The following ATRNL1 variants were observed in gnomAD, a reference collection of about 807,000 sequenced individuals.
The protein encoded by ATRNL1 is attractin like 1, also known as attractin-like protein 1.
ATRNL1 carries 95 observed loss-of-function variants against 182.7 expected under a neutral mutation model. The ratio of observed to expected loss-of-function variants is 0.52; its 90% CI spans 0.44 to 0.62. The LOEUF (loss-of-function observed/expected upper bound fraction) is 0.62. Ranked by LOEUF, ATRNL1 falls within the 20% of genes least tolerant of loss-of-function variation. ATRNL1 has a pLI of 0.00. For synonymous variants in ATRNL1, 576 were observed against 568.3 expected (o/e 1.01, Z -0.19); for missense variants, 1,471 against 1,679.5 (o/e 0.88, Z 2.17).
intron 26 of ATRNL1, among the ~76,000 whole-genome samples, chr10:115,616,730 G>T (rs1300383288): frequency 6.6e-6 from 1 of 152,240 alleles, no homozygotes; most frequent in Non-Finnish European, 1.5e-5. Flanking sequence ...TACAGAGGGT[G>T]CAAGCCATAA....
intron 26 of ATRNL1, among the ~76,000 whole-genome samples, chr10:115,635,730 A>G (rs548321795): frequency 4.6e-5 from 7 of 152,296 alleles, no homozygotes; most frequent in African/African-American, 1.7e-4. Flanking sequence ...GGTATTACTC[A>G]AAATGCCCGT....
At chr10:115,698,664 G>C (rs1456758742) in intron 26 of ATRNL1, among the ~76,000 whole-genome samples, 1 of 152,072 alleles carries the variant, frequency 6.6e-6, no homozygotes, top group African/African-American at 2.4e-5. Context: ...TGTAGTCCCA[G>C]CTACTCGGGA....
chr10:115,466,285 C>T lies in ATRNL1; in HGVS notation c.3418-889C>T, dbSNP rs565177324. Among the ~76,000 whole-genome samples the T allele has an allele frequency of 6.6e-5, 10 of 151,470 alleles. No individual in the cohort carries two copies. In the East Asian group the frequency reaches 1.7e-3, roughly 26 times the overall value. ...TAAAACGAAGGAATTAATATATTCT[C>T]TATCTCTCTTACTCCGTTTCACTAG... On this transcript the variant is annotated intron_variant, in intron 22 of 28. Transcript: ENST00000355044.
At chr10:115,133,635 T>A (rs1356411497) in intron 5 of ATRNL1, among the ~76,000 whole-genome samples, 2 of 151,940 alleles carry the variant, frequency 1.3e-5, no homozygotes, top group African/African-American at 4.8e-5. Context: ...ATTAGACAGA[T>A]CAATAGACAG....
chr10:115,330,519 C>T (rs868925718), intron 18 of ATRNL1, among the ~76,000 whole-genome samples: 1 of 151,912 alleles, frequency 6.6e-6, no homozygotes, highest in Non-Finnish European at 1.5e-5. Flanking sequence ...TGTCTTTAGT[C>T]TTTATTTCTA....
At chr10:115,682,430 G>A (rs1393230867) in intron 26 of ATRNL1, among the ~76,000 whole-genome samples, 2 of 151,996 alleles carry the variant, frequency 1.3e-5, no homozygotes, top group Non-Finnish European at 2.9e-5. Context: ...CCAGCGACTT[G>A]GGGGGCTGGT....
chr10:115,708,288 C>T (rs1188455234), intron 26 of ATRNL1, among the ~76,000 whole-genome samples: 1 of 151,468 alleles, frequency 6.6e-6, no homozygotes, highest in African/African-American at 2.4e-5. Context: ...ATAAAAGTAA[C>T]ACTATTAACT....
At chr10:115,642,030 C>T (rs1176287961) in intron 26 of ATRNL1, among the ~76,000 whole-genome samples, 1 of 151,930 alleles carries the variant, frequency 6.6e-6, no homozygotes, top group African/African-American at 2.4e-5. Context: ...ACACGCAGAG[C>T]AATAGAGTTA....
rs550104477 is a variant in ATRNL1, at chr10:115,947,115, A to G, written c.*2336A>G. The G allele has an allele frequency of 2.3e-4, 35 of 152,766 alleles. No homozygotes were observed. In the East Asian group the frequency reaches 6.2e-3, roughly 27 times the overall value. The allele number at this position is 152,766 out of a possible 1,614,324, so 9.5% of individuals were successfully genotyped here. Reference sequence around the variant, plus strand: ...TGGCTAATTATGCAATTAATTCTCAACGTATCAAAGCTTTTCACTGGCAGT... The same window carrying G: ...TGGCTAATTATGCAATTAATTCTCAGCGTATCAAAGCTTTTCACTGGCAGT... On this transcript the variant is annotated 3_prime_UTR_variant, in exon 29 of 29. Coordinates refer to ENST00000355044, the MANE Select transcript of ATRNL1 (RefSeq NM_207303.4).
At chr10:115,828,625 A>G (rs1950492070) in intron 27 of ATRNL1, among the ~76,000 whole-genome samples, 1 of 152,160 alleles carries the variant, frequency 6.6e-6, no homozygotes, top group Admixed American at 6.5e-5. Context: ...GATTTAATTA[A>G]TGTTTTACAT....
intron 25 of ATRNL1, among the ~76,000 whole-genome samples, chr10:115,530,962 CA>C: frequency 6.6e-6 from 1 of 152,006 alleles, no homozygotes; most frequent in East Asian, 1.9e-4. Context: ...ATGAACTCAT[CA>C]TTTTTATGGC....
chr10:115,520,419 A>C (rs1326329872), intron 25 of ATRNL1, among the ~76,000 whole-genome samples: 1 of 152,226 alleles, frequency 6.6e-6, no homozygotes, highest in Admixed American at 6.5e-5. Context: ...TATGGTCTTC[A>C]TCGCATCTAT....
chr10:115,345,339 G>T (rs921139817), intron 19 of ATRNL1, among the ~76,000 whole-genome samples: 1 of 152,192 alleles, frequency 6.6e-6, no homozygotes, highest in African/African-American at 2.4e-5. Flanking sequence ...CTGTAGGCGG[G>T]TGTCCCCTGA....
chr10:115,413,816 C>A (rs1554960333), intron 20 of ATRNL1, among the ~76,000 whole-genome samples: 1 of 151,982 alleles, frequency 6.6e-6, no homozygotes, highest in East Asian at 1.9e-4. Flanking sequence ...ATATTAGAGA[C>A]CAAGATCTTG....
chr10:115,827,134 T>G (rs1333107766), intron 27 of ATRNL1, among the ~76,000 whole-genome samples: 1 of 152,146 alleles, frequency 6.6e-6, no homozygotes, highest in Non-Finnish European at 1.5e-5. Flanking sequence ...GACAGAACAT[T>G]AACATGCCCA....
intron 24 of ATRNL1, among the ~76,000 whole-genome samples, chr10:115,513,868 A>G (rs541411561): frequency 2.0e-5 from 3 of 151,900 alleles, no homozygotes; most frequent in African/African-American, 7.3e-5. Flanking sequence ...AATATATTCA[A>G]CCTGAGCCTG....
intron 25 of ATRNL1, among the ~76,000 whole-genome samples, chr10:115,525,923 G>A (rs782455087): frequency 2.0e-5 from 3 of 152,102 alleles, no homozygotes; most frequent in East Asian, 1.9e-4. Context: ...TCTTGCATCC[G>A]TATCAATTGT....
At chr10:115,675,863 C>T (rs1177372763) in intron 26 of ATRNL1, among the ~76,000 whole-genome samples, 1 of 151,946 alleles carries the variant, frequency 6.6e-6, no homozygotes, top group African/African-American at 2.4e-5. Flanking sequence ...AAAGATGAAG[C>T]ATGAAGAAAG....
At chr10:115,922,508 C>T (rs1555118927) in intron 28 of ATRNL1, among the ~76,000 whole-genome samples, 2 of 152,004 alleles carry the variant, frequency 1.3e-5, no homozygotes, top group African/African-American at 4.8e-5. Context: ...CTCTGTCACC[C>T]AGGATAGAGT....
Sources: gnomAD v4.1 joint callset for allele counts (sites outside exome capture counted in the v4.1 genomes callset) on GRCh38, gnomAD v4.1.1 for gene constraint, MANE v1.5 for transcripts, NCBI Gene and HGNC (gene_info 2026-07-23, HGNC 2026-07-21) for gene names.